Variants in SUMF1 observed in about 807,000 individuals in gnomAD.
The protein encoded by SUMF1 is formylglycine-generating enzyme.
SUMF1 carries 48 observed loss-of-function variants against 47.6 expected under a neutral mutation model. The observed-to-expected ratio is 1.01, with a 90% CI of 0.80 to 1.28. The LOEUF (loss-of-function observed/expected upper bound fraction) is 1.28. Ranked by LOEUF, SUMF1 falls within the 50% of genes most tolerant of loss-of-function variation. SUMF1 has a pLI of 0.00. For synonymous variants in SUMF1, 230 were observed against 192.1 expected (o/e 1.20, Z -1.63); for missense variants, 571 against 485.4 (o/e 1.18, Z -1.66).
chr3:4,455,346 C>T (rs1259654685), intron 1 of SUMF1, among the ~76,000 whole-genome samples: 1 of 152,128 alleles, frequency 6.6e-6, no homozygotes, highest in African/African-American at 2.4e-5. Context: ...TAGAAACATA[C>T]AGCCTACCCA....
intron 8 of SUMF1, chr3:4,303,211 A>G: frequency 1.5e-6 from 1 of 653,852 alleles, no homozygotes; most frequent in South Asian, 2.7e-5. Flanking sequence ...AACGGGAGCC[A>G]GACCCAAAAA....
chr3:4,197,983 C>T (rs570682378), intron 8 of SUMF1, among the ~76,000 whole-genome samples: 31 of 149,108 alleles, frequency 2.1e-4, no homozygotes, highest in African/African-American at 6.4e-4. Context: ...AAAATGTTCC[C>T]GAATAACAAT....
chr3:4,319,312 A>C (rs1698769763), intron 8 of SUMF1, among the ~76,000 whole-genome samples: 1 of 152,092 alleles, frequency 6.6e-6, no homozygotes, highest in African/African-American at 2.4e-5. Flanking sequence ...TCAATCACTG[A>C]GACAATGAAT....
intron 3 of SUMF1, among the ~76,000 whole-genome samples, chr3:4,441,663 G>A (rs905757963): frequency 1.8e-4 from 28 of 151,980 alleles, no homozygotes; most frequent in African/African-American, 6.3e-4. Context: ...CAAATTAAAC[G>A]TCCAAATAAT....
intron 8 of SUMF1, among the ~76,000 whole-genome samples, chr3:4,217,648 T>C (rs1199095475): frequency 7.0e-6 from 1 of 142,842 alleles, no homozygotes; most frequent in Admixed American, 7.4e-5. Flanking sequence ...CACAAGCTGT[T>C]TATTCTCCTT....
chr3:4,393,590 C>T (rs1700946300), intron 7 of SUMF1, among the ~76,000 whole-genome samples: 1 of 152,062 alleles, frequency 6.6e-6, no homozygotes, highest in Non-Finnish European at 1.5e-5. Context: ...ACCTCAGTCT[C>T]CCAAAGCACT....
At chr3:4,286,615 A>C (rs992227768) in intron 8 of SUMF1, among the ~76,000 whole-genome samples, 8 of 152,172 alleles carry the variant, frequency 5.3e-5, no homozygotes, top group African/African-American at 1.7e-4. Flanking sequence ...CCATGATTCC[A>C]AGAGAAAATG....
intron 8 of SUMF1, among the ~76,000 whole-genome samples, chr3:4,344,539 C>T (rs1469887552): frequency 1.3e-5 from 2 of 152,128 alleles, no homozygotes; most frequent in Non-Finnish European, 2.9e-5. Flanking sequence ...GGGTCAGCAG[C>T]CTCAAAGACC....
At chr3:4,135,805 A>T (rs1452356372) in intron 8 of SUMF1, among the ~76,000 whole-genome samples, 2 of 152,186 alleles carry the variant, frequency 1.3e-5, no homozygotes, top group East Asian at 3.9e-4. Context: ...ATGTGCAAAA[A>T]TCACAAGCAT....
intron 8 of SUMF1, among the ~76,000 whole-genome samples, chr3:4,137,203 C>T (rs1693953871): frequency 6.6e-6 from 1 of 152,018 alleles, no homozygotes; most frequent in South Asian, 2.1e-4. Context: ...TTCACAACAG[C>T]AAAGACTTGG....
intron 8 of SUMF1, among the ~76,000 whole-genome samples, chr3:4,120,677 G>A (rs1166663196): frequency 6.6e-6 from 1 of 152,118 alleles, no homozygotes; most frequent in Non-Finnish European, 1.5e-5. Context: ...TTTCCAGGAT[G>A]CTACCAGGAA....
intron 9 of SUMF1, among the ~76,000 whole-genome samples, chr3:4,038,362 C>T (rs1293250408): frequency 6.6e-6 from 1 of 152,120 alleles, no homozygotes; most frequent in Non-Finnish European, 1.5e-5. Context: ...CTGGCCTCCT[C>T]CCCATAGGTC....
chr3:4,049,098 G>C (rs551419727), intron 9 of SUMF1, among the ~76,000 whole-genome samples: 2 of 152,260 alleles, frequency 1.3e-5, no homozygotes, highest in Admixed American at 1.3e-4. Context: ...AATAAGTTAA[G>C]CTATGCTGCT....
intron 8 of SUMF1, among the ~76,000 whole-genome samples, chr3:4,206,871 G>C (rs556872701): frequency 6.6e-6 from 1 of 151,878 alleles, no homozygotes; most frequent in South Asian, 2.1e-4. Flanking sequence ...TTAGGAACTA[G>C]TTGTCAATTT....
intron 8 of SUMF1, among the ~76,000 whole-genome samples, chr3:4,345,628 A>G (rs1575115362): frequency 6.6e-6 from 1 of 152,170 alleles, no homozygotes; most frequent in Non-Finnish European, 1.5e-5. Flanking sequence ...TGCATCAACT[A>G]GTGCACAAAA....
chr3:4,460,182 A>G (rs1302963016), intron 1 of SUMF1, among the ~76,000 whole-genome samples: 2 of 152,144 alleles, frequency 1.3e-5, no homozygotes, highest in Non-Finnish European at 2.9e-5. Flanking sequence ...CAGGTACACT[A>G]TTTTTGTATT....
chr3:4,072,454 A>G (rs1219223688), intron 8 of SUMF1, among the ~76,000 whole-genome samples: 1 of 152,162 alleles, frequency 6.6e-6, no homozygotes, highest in African/African-American at 2.4e-5. Context: ...CCTCACCAGC[A>G]AGGGAACAAA....
At chr3:4,064,955 G>T (rs1695344412) in intron 9 of SUMF1, among the ~76,000 whole-genome samples, 1 of 152,132 alleles carries the variant, frequency 6.6e-6, no homozygotes, top group African/African-American at 2.4e-5. Flanking sequence ...ACAAATGGAA[G>T]CACAGAGGAA....
At chr3:4,293,507 G>T (rs538448239) in intron 8 of SUMF1, among the ~76,000 whole-genome samples, 12 of 152,090 alleles carry the variant, frequency 7.9e-5, no homozygotes, top group Non-Finnish European at 1.5e-4. Flanking sequence ...TTTATAAATT[G>T]GTTATTTCCT....
Sources: allele counts gnomAD v4.1 joint callset (sites outside exome capture counted in the v4.1 genomes callset), GRCh38; gene constraint gnomAD v4.1.1; transcripts MANE v1.5; gene names NCBI Gene and HGNC (gene_info 2026-07-23, HGNC 2026-07-21).